PRKCA: variants seen among roughly 807,000 people sequenced by gnomAD.
PRKCA encodes protein kinase C alpha.
Under a neutral mutation model 87.0 loss-of-function variants are expected in PRKCA, and 27 were observed. That is an observed-to-expected ratio of 0.31 (90% CI 0.23 to 0.43). The LOEUF is 0.43. Ranked by LOEUF, PRKCA falls within the 20% of genes least tolerant of loss-of-function variation. PRKCA has a pLI of 1.00. For missense variants in PRKCA, 518 were observed against 852.3 expected (o/e 0.61, Z 4.88); for synonymous variants, 329 against 311.1 (o/e 1.06, Z -0.61).
intron 8 of PRKCA, among the ~76,000 whole-genome samples, chr17:66,709,467 C>CACG (rs1395379219): frequency 6.6e-6 from 1 of 151,716 alleles, no homozygotes; most frequent in Non-Finnish European, 1.5e-5. Context: ...TGAGCCACCA[C>CACG]ACCTGGCTAA....
intron 2 of PRKCA, among the ~76,000 whole-genome samples, chr17:66,448,606 A>G (rs1234533648): frequency 6.6e-6 from 1 of 152,218 alleles, no homozygotes; most frequent in Non-Finnish European, 1.5e-5. Context: ...AGTGATTAAA[A>G]TAACATTAGA....
chr17:66,648,821 A>G (rs145523904), intron 5 of PRKCA, among the ~76,000 whole-genome samples: 1,699 of 152,246 alleles, frequency 0.011, 13 homozygotes, highest in Middle Eastern at 0.017. Flanking sequence ...AGCCAGGTGC[A>G]GTGTCTCACA....
At chr17:66,428,165 T>C (rs552262014) in intron 2 of PRKCA, among the ~76,000 whole-genome samples, 9 of 152,342 alleles carry the variant, frequency 5.9e-5, no homozygotes, top group African/African-American at 1.9e-4. Context: ...CTGTGGCTGA[T>C]GTTGCATGAA....
chr17:66,443,948 C>T (rs990083), intron 2 of PRKCA, among the ~76,000 whole-genome samples: 104,290 of 151,916 alleles, frequency 0.69, 35,902 homozygotes, highest in Middle Eastern at 0.8. Flanking sequence ...ATGATGGCTT[C>T]GGACCTGGGC....
intron 3 of PRKCA, among the ~76,000 whole-genome samples, chr17:66,553,228 C>T (rs1012978290): frequency 2.6e-5 from 4 of 152,118 alleles, no homozygotes; most frequent in Non-Finnish European, 5.9e-5. Flanking sequence ...GCGATCCACC[C>T]GCCTCAGCCT....
At chr17:66,304,692 T>C (rs1165111606) in intron 1 of PRKCA, among the ~76,000 whole-genome samples, 3 of 152,244 alleles carry the variant, frequency 2.0e-5, no homozygotes, top group African/African-American at 7.2e-5. Flanking sequence ...TAATTTTTCC[T>C]TTCCTTTTTA....
chr17:66,621,369 T>G (rs892508498), intron 3 of PRKCA, among the ~76,000 whole-genome samples: 2 of 152,250 alleles, frequency 1.3e-5, no homozygotes. Context: ...AAAAATGTGA[T>G]TATTTCTTCT....
At chr17:66,344,326 G>A (rs886373588) in intron 2 of PRKCA, among the ~76,000 whole-genome samples, 2 of 152,018 alleles carry the variant, frequency 1.3e-5, no homozygotes, top group Non-Finnish European at 2.9e-5. Flanking sequence ...TTATTTTTAT[G>A]TTTTTTTGAC....
At chr17:66,591,976 G>A (rs982770009) in intron 3 of PRKCA, among the ~76,000 whole-genome samples, 4 of 152,208 alleles carry the variant, frequency 2.6e-5, no homozygotes, top group East Asian at 3.9e-4. Flanking sequence ...TCCTAGCTTT[G>A]GGGGTTTCTT....
chr17:66,543,619 A>G (rs1598754444), intron 3 of PRKCA, among the ~76,000 whole-genome samples: 1 of 152,242 alleles, frequency 6.6e-6, no homozygotes. Context: ...ATCTGTCAGC[A>G]TATGAGAGGA....
chr17:66,711,394 TCTCA>T (rs1278013249), intron 8 of PRKCA, among the ~76,000 whole-genome samples: 3 of 152,218 alleles, frequency 2.0e-5, no homozygotes, highest in Non-Finnish European at 2.9e-5. Flanking sequence ...ACTTAATCCT[TCTCA>T]CTCTTATTTC....
At chr17:66,676,179 A>G (rs1972323141) in intron 5 of PRKCA, among the ~76,000 whole-genome samples, 1 of 152,174 alleles carries the variant, frequency 6.6e-6, no homozygotes, top group South Asian at 2.1e-4. Context: ...GGCCCAAAGT[A>G]GAGACGCAAA....
chr17:66,687,419 A>G lies in PRKCA; in HGVS notation c.686+152A>G, dbSNP rs16960011. On this transcript the variant is annotated intron_variant, in intron 6 of 16. Transcript: ENST00000413366. ...TCAGGCTGCCATTAGGGAGGTAGCT[A>G]TTAGCACCTGTTCGATAGATAGTAA... 8,226 of 707,062 alleles carry G rather than the reference A, an allele frequency of 0.012. 443 individuals carry two copies. The African/African-American group carries it at 0.12, about 11-fold the overall frequency. 43.8% of individuals were successfully genotyped at this position (707,062 alleles called of 1,614,324 possible).
chr17:66,525,825 C>G (rs1967329214), intron 3 of PRKCA, among the ~76,000 whole-genome samples: 1 of 152,180 alleles, frequency 6.6e-6, no homozygotes, highest in Admixed American at 6.5e-5. Context: ...ACTCCATACT[C>G]TTCTTCCTGT....
At chr17:66,620,606 T>G (rs1970649164) in intron 3 of PRKCA, among the ~76,000 whole-genome samples, 1 of 152,176 alleles carries the variant, frequency 6.6e-6, no homozygotes, top group African/African-American at 2.4e-5. Flanking sequence ...AATGAATGGC[T>G]TTTGGTCAGA....
intron 2 of PRKCA, among the ~76,000 whole-genome samples, chr17:66,352,561 T>TTG (rs1472278796): frequency 2.3e-5 from 3 of 128,932 alleles, no homozygotes; most frequent in Non-Finnish European, 5.0e-5. Flanking sequence ...TTTTGAGGTT[T>TTG]TTTTTTTTTT....
intron 8 of PRKCA, among the ~76,000 whole-genome samples, chr17:66,692,536 T>C (rs1470023468): frequency 6.6e-6 from 1 of 152,162 alleles, no homozygotes; most frequent in Non-Finnish European, 1.5e-5. Context: ...GCAGAAAGGC[T>C]GGCATCCACA....
At chr17:66,775,499 G>A in intron 14 of PRKCA, 2 of 985,322 alleles carry the variant, frequency 2.0e-6, no homozygotes, top group South Asian at 4.7e-5. Context: ...CACGAAGCAG[G>A]CTTGGTAATC....
At chr17:66,334,758 A>G (rs1306813295) in intron 2 of PRKCA, among the ~76,000 whole-genome samples, 1 of 152,226 alleles carries the variant, frequency 6.6e-6, no homozygotes, top group Non-Finnish European at 1.5e-5. Flanking sequence ...ACTTCTGGGT[A>G]TCTGCCCATA....
Sources: gnomAD v4.1 joint callset for allele counts (sites outside exome capture counted in the v4.1 genomes callset) on GRCh38, gnomAD v4.1.1 for gene constraint, MANE v1.5 for transcripts, NCBI Gene and HGNC (gene_info 2026-07-23, HGNC 2026-07-21) for gene names.